The following PAK3 variants were observed in gnomAD, a reference collection of about 807,000 sequenced individuals.
PAK3 encodes p21 (RAC1) activated kinase 3.
PAK3 carries 4 observed loss-of-function variants against 41.0 expected under a neutral mutation model. The ratio of observed to expected loss-of-function variants is 0.10; its 90% CI spans 0.05 to 0.22. The LOEUF is 0.22. PAK3 is among the 10% of genes least tolerant of loss of function. PAK3 has a pLI of 1.00. For synonymous variants in PAK3, 146 were observed against 139.6 expected (o/e 1.05, Z -0.32); for missense variants, 205 against 409.9 (o/e 0.50, Z 4.32).
rs1298085387 is a variant in PAK3 at position 111,226,783 on chromosome X, T to C, written c.*6336T>C. 9.0e-6 allele frequency: 1 copy of C among 111,370 alleles called. No individual in the cohort carries two copies. The highest frequency in any genetic ancestry group is 3.3e-5 in the African/African-American group (1 of 30,540). The allele number at this position is 111,370 out of a possible 1,213,427, so 9.2% of individuals were successfully genotyped here. On this transcript the variant is annotated 3_prime_UTR_variant, in exon 18 of 18. Coordinates refer to ENST00000372007, the MANE Select transcript of PAK3 (RefSeq NM_002578.5). ...CCCTGAGTGCAAAATTCAAGTTCAA[T>C]GTGTGTGCTTGTGTGTGGTGTGCTT...
chrX:111,215,759 A>AT (rs1217880260), intron 16 of PAK3, among the ~76,000 whole-genome samples: 2 of 111,975 alleles, frequency 1.8e-5, no homozygotes. Context: ...TACTATTGTC[A>AT]TTTTTTCCTC....
chrX:111,161,639 T>C (rs1603330655), intron 8 of PAK3, among the ~76,000 whole-genome samples: 2 of 111,549 alleles, frequency 1.8e-5, no homozygotes, highest in East Asian at 5.6e-4. Flanking sequence ...GAATTAATTT[T>C]TGTATAAGGT....
chrX:111,059,121 C>T (rs200276164), intron 1 of PAK3, among the ~76,000 whole-genome samples: 78 of 60,925 alleles, frequency 1.3e-3, no homozygotes, highest in East Asian at 2.3e-3. Flanking sequence ...TCAACTTTTC[C>T]TTTTTTTTTT....
intron 1 of PAK3, among the ~76,000 whole-genome samples, chrX:110,968,184 A>C (rs756119542): frequency 8.9e-5 from 10 of 112,608 alleles, no homozygotes; most frequent in Non-Finnish European, 5.6e-5. Context: ...ATTGCTGCAT[A>C]GCATTTCATG....
chrX:110,949,276 C>G (rs1469921503), intron 1 of PAK3, among the ~76,000 whole-genome samples: 4 of 111,408 alleles, frequency 3.6e-5, no homozygotes, highest in Non-Finnish European at 5.7e-5. Context: ...GCTTCTCTCT[C>G]TCCCTCCTCA....
intron 1 of PAK3, among the ~76,000 whole-genome samples, chrX:111,061,186 T>C (rs2148808625): frequency 8.9e-6 from 1 of 112,435 alleles, no homozygotes; most frequent in South Asian, 3.6e-4. Flanking sequence ...GGCAAGAATG[T>C]TATTTATTTA....
At position 110,978,535 on chromosome X, in the gene PAK3, G is replaced by A. The variant is rs903443281; in HGVS notation, c.-28+33907G>A. On this transcript the variant is annotated intron_variant, in intron 1 of 14. Transcript: ENST00000425146. ...TAACTTTGCATCCATGGAATAAACC[G>A]TAGTTGGTCATGATGTATAATTCTT... 2.7e-5 allele frequency among the ~76,000 whole-genome samples: 3 copies of A among 111,502 alleles called. 1 individual carries two copies. Among genetic ancestry groups the A allele is most frequent in the African/African-American group, 9.8e-5 (3 of 30,757 alleles).
At chrX:110,969,483 T>C (rs1260867587) in intron 1 of PAK3, among the ~76,000 whole-genome samples, 1 of 89,692 alleles carries the variant, frequency 1.1e-5, no homozygotes, top group East Asian at 3.4e-4. Flanking sequence ...GGATTTTTAG[T>C]AGAGATAGGG....
chrX:111,115,473 G>A (rs1188011073), intron 4 of PAK3, among the ~76,000 whole-genome samples: 1 of 111,943 alleles, frequency 8.9e-6, no homozygotes, highest in African/African-American at 3.2e-5. Flanking sequence ...CCATTGTGAA[G>A]TGGGATGGGT....
intron 7 of PAK3, among the ~76,000 whole-genome samples, chrX:111,150,201 C>T (rs2094006139): frequency 8.9e-6 from 1 of 112,185 alleles, no homozygotes; most frequent in African/African-American, 3.2e-5. Flanking sequence ...ACTACCTCAG[C>T]CTGAATTTTA....
chrX:110,961,121 T>C (rs1443759332), intron 1 of PAK3, among the ~76,000 whole-genome samples: 1 of 111,613 alleles, frequency 9.0e-6, no homozygotes, highest in Non-Finnish European at 1.9e-5. Context: ...CTTAGAAACA[T>C]ACTGATACCT....
chrX:111,153,626 A>C (rs941832461), intron 8 of PAK3, among the ~76,000 whole-genome samples: 3 of 112,031 alleles, frequency 2.7e-5, no homozygotes, highest in Non-Finnish European at 5.6e-5. Context: ...TTTATAGCAG[A>C]CCAATGCCTT....
At chrX:111,050,514 T>C (rs1350007560) in intron 1 of PAK3, among the ~76,000 whole-genome samples, 1 of 112,238 alleles carries the variant, frequency 8.9e-6, no homozygotes, top group Non-Finnish European at 1.9e-5. Flanking sequence ...AAATCAGACT[T>C]GCTCCCTAAT....
chrX:110,945,601 G>A (rs1042532224), intron 1 of PAK3, among the ~76,000 whole-genome samples: 2 of 111,885 alleles, frequency 1.8e-5, no homozygotes, highest in African/African-American at 3.3e-5. Flanking sequence ...TTTAATTAGC[G>A]CATCCTAATG....
At chrX:111,020,314 T>C (rs2092158034) in intron 1 of PAK3, among the ~76,000 whole-genome samples, 1 of 112,242 alleles carries the variant, frequency 8.9e-6, no homozygotes. Context: ...ACAAATATTG[T>C]ATGATTCCAT....
chrX:111,013,201 A>G (rs2092037149), intron 1 of PAK3, among the ~76,000 whole-genome samples: 1 of 112,474 alleles, frequency 8.9e-6, no homozygotes, highest in Non-Finnish European at 1.9e-5. Context: ...ATTTCATTTC[A>G]CAATCCAATT....
chrX:111,123,290 G>A lies in PAK3; in HGVS notation c.175+12G>A. 3 of 1,175,592 alleles carry A rather than the reference G, an allele frequency of 2.6e-6. No homozygotes were observed. Among genetic ancestry groups the A allele is most frequent in the Admixed American group, 4.3e-5 (2 of 46,028 alleles). On this transcript the variant is annotated intron_variant, in intron 5 of 17. Coordinates refer to ENST00000372007, the MANE Select transcript of PAK3 (RefSeq NM_002578.5). ...AGGAGGGGATAAAAGTAAAGTATCA[G>A]TGGCCGGGCATTGAAAATGGGCTAG...
At chrX:111,180,893 A>T (rs981705527) in intron 11 of PAK3, among the ~76,000 whole-genome samples, 3 of 112,080 alleles carry the variant, frequency 2.7e-5, no homozygotes, top group Non-Finnish European at 3.8e-5. Flanking sequence ...AAACCATTTT[A>T]TACAAAGTTA....
rs376343151 is a variant in PAK3, at chrX:111,222,035, A to T, written c.*1588A>T. ...TATCTGCGGAGTGTCTGTGTAGAAAAGGATATGCCTCTCTTTTGAGTGTAT... is the reference window on the plus strand; with the variant it reads ...TATCTGCGGAGTGTCTGTGTAGAAATGGATATGCCTCTCTTTTGAGTGTAT... On this transcript the variant is annotated 3_prime_UTR_variant, in exon 18 of 18. Transcript: ENST00000372007. 1 of 112,076 alleles carries T rather than the reference A, an allele frequency of 8.9e-6. No individual in the cohort carries two copies. Among genetic ancestry groups the T allele is most frequent in the African/African-American group, 3.2e-5 (1 of 30,885 alleles). The allele number at this position is 112,076 out of a possible 1,213,427, so 9.2% of individuals were successfully genotyped here.
Sources: gnomAD v4.1 joint callset for allele counts (sites outside exome capture counted in the v4.1 genomes callset) on GRCh38, gnomAD v4.1.1 for gene constraint, MANE v1.5 for transcripts, NCBI Gene and HGNC (gene_info 2026-07-23, HGNC 2026-07-21) for gene names.